The following ISL2 variants were observed in gnomAD, a reference collection of about 807,000 sequenced individuals.
ISL2 encodes the protein ISL LIM homeobox 2, also known as insulin gene enhancer protein ISL-2.
ISL2 carries 17 observed loss-of-function variants against 34.6 expected under a neutral mutation model. That is an observed-to-expected ratio of 0.49 (90% CI 0.34 to 0.74). ISL2 has a LOEUF of 0.74. ISL2 is among the 30% of genes least tolerant of loss of function. ISL2 has a pLI of 0.01. For missense variants in ISL2, 469 were observed against 515.2 expected, an observed-to-expected ratio of 0.91 and a Z score of 0.87; for synonymous variants, 232 against 225.5, an observed-to-expected ratio of 1.03 and a Z score of -0.26.
chr15:76,337,936 G>C lies in ISL2; in HGVS notation c.217G>C (p.Gly73Arg). The change falls in exon 2 of 6, where the codon GGG becomes CGG. Residue 73 changes from glycine (G) to arginine (R), a missense_variant. Physicochemically the swap from Gly to Arg is moderately radical, Grantham distance 125. Coordinates refer to ENST00000290759, the MANE Select transcript of ISL2 (RefSeq NM_145805.3). The part of the protein sequence containing the change: ...DETCTCFVRD[G>R]KTYCKRDYVR... ...GACGTGCACGTGCTTCGTGAGAGAC[G>C]GGAAGACCTACTGCAAGCGGGACTA... is the stretch of plus-strand genomic sequence containing the variant. The C allele has an allele frequency of 6.2e-7, 1 of 1,608,956 alleles. No individual in the cohort carries two copies. Among genetic ancestry groups the C allele is most frequent in the Non-Finnish European group, 8.5e-7 (1 of 1,177,618 alleles).
At chr15:76,340,147 T>A in intron 3 of ISL2, 129 bp from the exon 4 acceptor site, 1 of 1,426,158 alleles carries the variant, frequency 7.0e-7, no homozygotes, top group East Asian at 2.6e-5. Context: ...AGACGAACAA[T>A]TAAACGAAAC....
Position 76,340,433 on chromosome 15 carries a change from G to C in ISL2, c.669G>C (p.Gln223His). The stretch of plus-strand genomic sequence containing the variant: ...GGCCCGACGCTCTCATGAAGGAGCA[G>C]CTGGTGGAGATGACCGGCCTGAGCC... ...NPRPDALMKE[Q>H]LVEMTGLSPR... The change falls in exon 4 of 6, where the codon CAG becomes CAC. Residue 223 changes from glutamine (Q) to histidine (H), a missense_variant. Gln to His is a conservative substitution (Grantham distance 24). Coordinates refer to ENST00000290759, the MANE Select transcript of ISL2 (RefSeq NM_145805.3). The C allele has an allele frequency of 3.1e-6, 5 of 1,613,862 alleles. No homozygotes were observed. Among genetic ancestry groups the C allele is most frequent in the Non-Finnish European group, 4.2e-6 (5 of 1,179,994 alleles).
chr15:76,340,658 G>T, intron 4 of ISL2, 99 bp downstream of exon 4: 2 of 1,139,878 alleles, frequency 1.8e-6, no homozygotes, highest in East Asian at 2.4e-5. Flanking sequence ...GGAGATCCAG[G>T]GAGAACTGGG....
chr15:76,341,899 C>A lies in ISL2; in HGVS notation c.*64C>A. On this transcript the variant is annotated 3_prime_UTR_variant, in exon 6 of 6. Coordinates refer to ENST00000290759, the MANE Select transcript of ISL2 (RefSeq NM_145805.3). ...TCCCTGCATGAGACTCACCCATGCT[C>A]AGGCCATTCCAGTTCCGAAAGCTCT... The A allele has an allele frequency of 1.0e-6, 1 of 990,016 alleles. No homozygotes were observed. Among genetic ancestry groups the A allele is most frequent in the Non-Finnish European group, 1.6e-6 (1 of 619,232 alleles). 61.3% of individuals were successfully genotyped at this position (990,016 alleles called of 1,614,324 possible). A position where few individuals can be genotyped will look rare whatever the true frequency, so the allele number is the denominator to read the frequency against.
intron 1 of ISL2, chr15:76,337,539 G>A (rs2040159832): frequency 2.1e-6 from 1 of 467,118 alleles, no homozygotes; most frequent in East Asian, 3.4e-5. Context: ...TGTCATTAAT[G>A]AATGTAATAA....
intron 3 of ISL2, chr15:76,338,944 G>A (rs1596240109): frequency 1.0e-5 from 10 of 985,396 alleles, no homozygotes; most frequent in African/African-American, 3.5e-5. Context: ...CTGGGAGCTG[G>A]GCAGGAGCTT....
Position 76,342,280 on chromosome 15 carries a change from A to G in ISL2, c.*445A>G. On this transcript the variant is annotated 3_prime_UTR_variant, in exon 6 of 6. Coordinates refer to ENST00000290759, the MANE Select transcript of ISL2 (RefSeq NM_145805.3). The stretch of plus-strand genomic sequence containing the variant: ...GGATAACTCAGAGGAACAGACACTC[A>G]AACTCCCAAAGCGCATGATTGCTGG... 6.3e-6 allele frequency: 1 copy of G among 159,908 alleles called. No individual in the cohort carries two copies. Among genetic ancestry groups the G allele is most frequent in the Non-Finnish European group, 1.4e-5 (1 of 73,138 alleles). The allele number at this position is 159,908 out of a possible 1,614,324, so 9.9% of individuals were successfully genotyped here. A position where few individuals can be genotyped will look rare whatever the true frequency, so the allele number is the denominator to read the frequency against.
At chr15:76,339,903 T>C in intron 3 of ISL2, 1 of 1,064,412 alleles carries the variant, frequency 9.4e-7, no homozygotes, top group Non-Finnish European at 1.1e-6. Flanking sequence ...CAAGCCTCTT[T>C]CCTCTTCCTC....
At chr15:76,339,937 G>A (rs1252908708) in intron 3 of ISL2, 4 of 1,122,854 alleles carry the variant, frequency 3.6e-6, no homozygotes, top group Non-Finnish European at 2.2e-6. Flanking sequence ...TCTTCCGGAG[G>A]GCTTCGCTCG....
intron 3 of ISL2, chr15:76,340,007 C>T (rs568701578): frequency 0.01 from 13,048 of 1,289,814 alleles, 93 homozygotes; most frequent in Non-Finnish European, 0.011. Context: ...CTCCCCGCAG[C>T]GGCCTGTCGC....
intron 2 of ISL2, 129 bp from the exon 3 acceptor site, chr15:76,338,123 C>A: frequency 7.3e-7 from 1 of 1,371,478 alleles, no homozygotes; most frequent in South Asian, 1.6e-5. Flanking sequence ...CCGGGAATGC[C>A]CGCAGGCGGG....
intron 5 of ISL2, 137 bp from the exon 6 acceptor site, chr15:76,341,582 G>C (rs2040195043): frequency 4.0e-6 from 3 of 746,698 alleles, no homozygotes; most frequent in Admixed American, 4.2e-5. Flanking sequence ...TGGGGACCTG[G>C]CCTCCTTCTC....
In ISL2 at chr15:76,342,388, C is replaced by CA. The variant is rs1322994796; in HGVS notation, c.*556dup. The CA allele has an allele frequency of 2.0e-5, 3 of 152,648 alleles. No individual in the cohort carries two copies. The East Asian group carries it at 5.8e-4, about 29-fold the overall frequency. The allele number at this position is 152,648 out of a possible 1,614,324, so 9.5% of individuals were successfully genotyped here. ...AGTATGTGAGCCTTTGCCGAACAAA[C>CA]AAACGTAAGTTATTGTTATTTATTG... On this transcript the variant is annotated 3_prime_UTR_variant, in exon 6 of 6. Coordinates refer to ENST00000290759, the MANE Select transcript of ISL2 (RefSeq NM_145805.3).
Position 76,341,297 on chromosome 15 carries a change from A to C in ISL2, c.959A>C (p.Gln320Pro). The change falls in exon 5 of 6, where the codon CAG (glutamine) becomes CCG (proline). Residue 320 changes from glutamine (Q) to proline (P), a missense_variant. Coordinates refer to ENST00000290759, the MANE Select transcript of ISL2 (RefSeq NM_145805.3). ...QSDLDQPAFQQLVSFSESGSL... is the reference protein window; with the variant it reads ...QSDLDQPAFQPLVSFSESGSL... ...GACCTGGACCAACCCGCCTTCCAAC[A>C]GCTGGTGAGGCCCTGCCCTACCCGC... The C allele has an allele frequency of 6.3e-7, 1 of 1,595,930 alleles. No homozygotes were observed. The highest frequency in any genetic ancestry group is 1.1e-5 in the South Asian group (1 of 88,706).
chr15:76,338,097 C>A, intron 2 of ISL2, 130 bp downstream of exon 2: 1 of 1,329,016 alleles, frequency 7.5e-7, no homozygotes, highest in South Asian at 1.6e-5. Context: ...ACGGGTGCCG[C>A]AGCGCTCCCC....
intron 5 of ISL2, 127 bp downstream of exon 5, chr15:76,341,428 G>A (rs1009106868): frequency 6.7e-6 from 6 of 890,350 alleles, no homozygotes; most frequent in Non-Finnish European, 1.0e-5. Flanking sequence ...AGGCGGTGGG[G>A]GAGGGGGAAC....
rs1342686418 is a variant in ISL2 at position 76,342,457 on chromosome 15, T to TA, written c.*628dup. Reference sequence around the variant, plus strand: ...AGTGGGACTTGTATTTTGATCTTAATAAAAAATAATAACCCGGGGCGACGC... The same window carrying TA: ...AGTGGGACTTGTATTTTGATCTTAATAAAAAAATAATAACCCGGGGCGACGC... On this transcript the variant is annotated 3_prime_UTR_variant, in exon 6 of 6. Transcript: ENST00000290759. 1 of 152,250 alleles carries TA rather than the reference T, an allele frequency of 6.6e-6. No homozygotes were observed. The highest frequency in any genetic ancestry group is 1.5e-5 in the Non-Finnish European group (1 of 68,046). 9.4% of individuals were successfully genotyped at this position (152,250 alleles called of 1,614,324 possible).
chr15:76,337,245 G>C (rs2040157664), intron 1 of ISL2, among the ~76,000 whole-genome samples: 1 of 142,730 alleles, frequency 7.0e-6, no homozygotes, highest in African/African-American at 2.7e-5. Flanking sequence ...TTTTTTTTTG[G>C]TTGTTGTTTG....
rs890100967 is a variant in ISL2, at chr15:76,342,147, G to T, written c.*312G>T. 1.8e-5 allele frequency: 4 copies of T among 221,510 alleles called. No homozygotes were observed. Among genetic ancestry groups the T allele is most frequent in the Admixed American group, 1.1e-4 (2 of 17,616 alleles). 13.7% of individuals were successfully genotyped at this position (221,510 alleles called of 1,614,324 possible). ...CGCTCTGTCTCTCCACGCCCCACCT[G>T]TGTCCCCATCTCGGCCGGCCCGGAG... On this transcript the variant is annotated 3_prime_UTR_variant, in exon 6 of 6. Coordinates refer to ENST00000290759, the MANE Select transcript of ISL2 (RefSeq NM_145805.3).
Sources: allele counts gnomAD v4.1 joint callset (sites outside exome capture counted in the v4.1 genomes callset), GRCh38; gene constraint gnomAD v4.1.1; transcripts MANE v1.5; gene names NCBI Gene and HGNC (gene_info 2026-07-23, HGNC 2026-07-21).